KIF4A: variants seen among roughly 807,000 people sequenced by gnomAD.
KIF4A encodes chromosome-associated kinesin KIF4A.
Under a neutral mutation model 105.9 loss-of-function variants are expected in KIF4A, and 7 were observed. The ratio of observed to expected loss-of-function variants is 0.07; its 90% CI spans 0.04 to 0.12. KIF4A has a LOEUF of 0.12. KIF4A is among the 10% of genes least tolerant of loss of function. KIF4A has a pLI of 1.00. For missense variants in KIF4A, 558 were observed against 929.2 expected, an observed-to-expected ratio of 0.60 and a Z score of 5.19; for synonymous variants, 281 against 331.3, an observed-to-expected ratio of 0.85 and a Z score of 1.65.
In KIF4A at chrX:70,353,759, G is replaced by T. The variant is rs1265238263; in HGVS notation, c.1626G>T (p.Lys542Asn). 1 of 1,201,782 alleles carries T rather than the reference G, an allele frequency of 8.3e-7. No homozygotes were observed. ...ALALKEALAR[K>N]MTQNDSQLQP... ...CACTGAAAGAGGCCCTGGCTAGGAAGATGACTCAGAATGACAGCCAACTGC... is the reference window on the plus strand; with the variant it reads ...CACTGAAAGAGGCCCTGGCTAGGAATATGACTCAGAATGACAGCCAACTGC... The change falls in exon 15 of 31, where the codon AAG becomes AAT. Residue 542 changes from lysine (K) to asparagine (N), a missense_variant. By Grantham distance (94) the Lys-to-Asn change is moderately conservative. Around this residue, in one of 2 missense-constraint regions of KIF4A, gnomAD observed 469 missense variants for 680.4 expected, o/e 0.69. Transcript: ENST00000374403.
In KIF4A at chrX:70,394,550, C is replaced by T. The variant is rs1183403035; in HGVS notation, c.2233-1121C>T. Among the ~76,000 whole-genome samples, 3 of 111,534 alleles carry T rather than the reference C, an allele frequency of 2.7e-5. No individual in the cohort carries two copies. In the Admixed American group the frequency reaches 2.9e-4, roughly 11 times the overall value. On this transcript the variant is annotated intron_variant, in intron 20 of 30. Transcript: ENST00000374403. ...TACAACTTAATTGGGGTGTTTAGACCATTTACATTTAATGTGATTATTGAT... is the reference window on the plus strand; with the variant it reads ...TACAACTTAATTGGGGTGTTTAGACTATTTACATTTAATGTGATTATTGAT...
intron 3 of KIF4A, among the ~76,000 whole-genome samples, chrX:70,291,482 C>T (rs1019496042): frequency 9.0e-6 from 1 of 110,693 alleles, no homozygotes; most frequent in African/African-American, 3.3e-5. Context: ...TGCCTAAAGC[C>T]TCTGAATACT....
chrX:70,369,844 G>T (rs1359170069), intron 15 of KIF4A, among the ~76,000 whole-genome samples: 1 of 110,976 alleles, frequency 9.0e-6, no homozygotes, highest in Non-Finnish European at 1.9e-5. Context: ...TCTAGTAATG[G>T]ATATTATGTG....
chrX:70,419,211 T>C (rs1427879934), intron 29 of KIF4A, among the ~76,000 whole-genome samples: 3 of 112,423 alleles, frequency 2.7e-5, no homozygotes, highest in Non-Finnish European at 5.6e-5. Flanking sequence ...TCAAGAGTCA[T>C]GTAGTAGCTC....
Position 70,325,450 on chromosome X carries a change from G to A in KIF4A, c.779-3955G>A, listed in dbSNP as rs1053833893. 2.7e-5 allele frequency among the ~76,000 whole-genome samples: 3 copies of A among 110,576 alleles called. 1 individual carries two copies. The highest frequency in any genetic ancestry group is 3.8e-5 in the Non-Finnish European group (2 of 52,889). On this transcript the variant is annotated intron_variant, in intron 7 of 30. Coordinates refer to ENST00000374403, the MANE Select transcript of KIF4A (RefSeq NM_012310.5). ...ACACCACCACGCCCAGCTAATTTTT[G>A]TATTTTAGGTAGAGGTAGGATTTTG...
intron 20 of KIF4A, among the ~76,000 whole-genome samples, chrX:70,392,564 G>A (rs1275609068): frequency 9.1e-6 from 1 of 110,266 alleles, no homozygotes; most frequent in Non-Finnish European, 1.9e-5. Flanking sequence ...GAGAAGCTGA[G>A]ATGGGAGGAT....
rs2086300110 is a variant in KIF4A, at chrX:70,406,348, A to G, written c.3066A>G (p.Pro1022=). 3 of 1,190,355 alleles carry G rather than the reference A, an allele frequency of 2.5e-6. No individual in the cohort carries two copies. The change falls in exon 27 of 31, where the codon CCA becomes CCG. Residue 1022 remains proline (P), a synonymous_variant. Transcript: ENST00000374403. ...CAGACTCTTCTTTTGAATATGTCCC[A>G]CCTAAGGTAAAATGATCAGTGCCTG... ...LSPDSSFEYV[P]PKPKPSRVKE...
At chrX:70,401,494 G>A (rs1260909514) in intron 22 of KIF4A, among the ~76,000 whole-genome samples, 4 of 104,417 alleles carry the variant, frequency 3.8e-5, no homozygotes, top group African/African-American at 1.4e-4. Flanking sequence ...CCCACCTCCC[G>A]GGTTCAAGTG....
intron 7 of KIF4A, among the ~76,000 whole-genome samples, chrX:70,315,405 A>G (rs929770289): frequency 1.8e-5 from 2 of 112,285 alleles, no homozygotes; most frequent in Non-Finnish European, 3.8e-5. Context: ...ATTATTTGGA[A>G]TGATAATTGC....
At chrX:70,322,783 A>G (rs1453595091) in intron 7 of KIF4A, among the ~76,000 whole-genome samples, 1 of 102,748 alleles carries the variant, frequency 9.7e-6, no homozygotes, top group Non-Finnish European at 2.0e-5. Flanking sequence ...CTAACTTTTC[A>G]TCTTTTACTT....
intron 15 of KIF4A, among the ~76,000 whole-genome samples, chrX:70,356,256 G>A (rs1048902553): frequency 9.0e-6 from 1 of 110,641 alleles, no homozygotes; most frequent in Admixed American, 9.6e-5. Context: ...AATCCAGCCT[G>A]AGTGACAGAG....
intron 18 of KIF4A, among the ~76,000 whole-genome samples, chrX:70,386,021 T>C (rs2086216333): frequency 9.0e-6 from 1 of 111,040 alleles, no homozygotes; most frequent in Non-Finnish European, 1.9e-5. Flanking sequence ...CCTTTCTCCA[T>C]CCCTCCCTCC....
intron 6 of KIF4A, 74 bp from the exon 7 acceptor site, chrX:70,302,230 C>A: frequency 8.8e-7 from 1 of 1,138,200 alleles, no homozygotes; most frequent in South Asian, 1.9e-5. Context: ...TGAGAGCTGA[C>A]AGGTCAGCTT....
At chrX:70,372,618 CAG>C (rs2086144235) in intron 15 of KIF4A, among the ~76,000 whole-genome samples, 1 of 113,477 alleles carries the variant, frequency 8.8e-6, no homozygotes. Flanking sequence ...GGCTCGGCAT[CAG>C]AGGGAGACCG....
chrX:70,341,740 C>T (rs2085973069), intron 10 of KIF4A, 59 bp from the exon 11 acceptor site: 6 of 1,117,275 alleles, frequency 5.4e-6, no homozygotes, highest in Non-Finnish European at 6.0e-6. Flanking sequence ...TTTTATCCAC[C>T]TTTGATATAG....
Position 70,407,093 on chromosome X carries a change from A to G in KIF4A, c.3255+18A>G. 2 of 1,166,157 alleles carry G rather than the reference A, an allele frequency of 1.7e-6. No individual in the cohort carries two copies. The highest frequency in any genetic ancestry group is 2.6e-5 in the Admixed American group (1 of 38,219). ...TCCAAGGGGTAGGAGCCAGCTCTTC[A>G]ACTTTTTTTTTGTTTTGTTGTTGTT... is the stretch of plus-strand genomic sequence containing the variant. On this transcript the variant is annotated intron_variant, in intron 28 of 30. Transcript: ENST00000374403.
intron 29 of KIF4A, among the ~76,000 whole-genome samples, chrX:70,418,911 C>T (rs779815671): frequency 6.3e-5 from 7 of 110,525 alleles, no homozygotes; most frequent in African/African-American, 2.3e-4. Flanking sequence ...GGTGAAACCC[C>T]GTCTCTACTA....
chrX:70,302,943 C>G (rs2085810326), intron 7 of KIF4A, among the ~76,000 whole-genome samples: 1 of 111,968 alleles, frequency 8.9e-6, no homozygotes, highest in Non-Finnish European at 1.9e-5. Flanking sequence ...ACATCCAGCT[C>G]TATATCTCAA....
intron 3 of KIF4A, among the ~76,000 whole-genome samples, chrX:70,294,028 A>G (rs2085771117): frequency 8.9e-6 from 1 of 112,667 alleles, no homozygotes; most frequent in Non-Finnish European, 1.9e-5. Flanking sequence ...TTTTGTAATA[A>G]TACTTAGCTT....
Sources: gnomAD v4.1 joint callset for allele counts (sites outside exome capture counted in the v4.1 genomes callset) on GRCh38, gnomAD v4.1.1 for gene constraint, gnomAD v4.1.1 regional missense constraint, MANE v1.5 for transcripts, NCBI Gene and HGNC (gene_info 2026-07-23, HGNC 2026-07-21) for gene names.